Variants in SLCO3A1 observed in about 807,000 individuals in gnomAD.
SLCO3A1 encodes the protein solute carrier organic anion transporter family member 3A1.
SLCO3A1 carries 27 observed loss-of-function variants against 63.1 expected under a neutral mutation model. That is an observed-to-expected ratio of 0.43 (90% CI 0.32 to 0.59). The LOEUF (loss-of-function observed/expected upper bound fraction) is 0.59. SLCO3A1 is among the 20% of genes least tolerant of loss of function. The probability of loss-of-function intolerance (pLI) is 0.09; values close to 1 mark genes in which losing one functional copy is unlikely to be tolerated. For missense variants in SLCO3A1, 773 were observed against 945.8 expected, an observed-to-expected ratio of 0.82 and a Z score of 2.40; for synonymous variants, 473 against 409.9, an observed-to-expected ratio of 1.15 and a Z score of -1.86.
chr15:91,928,364 GT>G (rs1899106681), intron 2 of SLCO3A1, among the ~76,000 whole-genome samples: 1 of 152,126 alleles, frequency 6.6e-6, no homozygotes, highest in African/African-American at 2.4e-5. Context: ...TTCTGTGTAG[GT>G]AAAGGAGCTA....
chr15:92,065,146 G>A (rs962197199), intron 2 of SLCO3A1, among the ~76,000 whole-genome samples: 13 of 152,140 alleles, frequency 8.5e-5, no homozygotes, highest in Admixed American at 2.0e-4. Context: ...TCAGTGGCAC[G>A]ATCTCAGCTC....
intron 2 of SLCO3A1, among the ~76,000 whole-genome samples, chr15:92,000,485 A>G (rs1171421000): frequency 2.0e-5 from 3 of 151,900 alleles, no homozygotes; most frequent in East Asian, 1.9e-4. Flanking sequence ...TTGGAACAAT[A>G]TATCTATAGG....
chr15:91,977,250 A>C (rs528621124), intron 2 of SLCO3A1, among the ~76,000 whole-genome samples: 2 of 152,272 alleles, frequency 1.3e-5, no homozygotes, highest in African/African-American at 2.4e-5. Context: ...GGTGACATGC[A>C]CTGGTCTTCC....
chr15:92,063,089 G>T (rs188269485), intron 2 of SLCO3A1, among the ~76,000 whole-genome samples: 13 of 152,338 alleles, frequency 8.5e-5, no homozygotes, highest in African/African-American at 2.9e-4. Context: ...GTTAGCTCAG[G>T]TTCTGCTTAT....
intron 1 of SLCO3A1, among the ~76,000 whole-genome samples, chr15:91,904,222 G>A (rs952064331): frequency 2.0e-5 from 3 of 152,156 alleles, no homozygotes; most frequent in African/African-American, 7.2e-5. Context: ...TCAATTACAG[G>A]TACACCTTTT....
rs145081570 is a variant in SLCO3A1 at position 91,926,229 on chromosome 15, G to A, written c.646+9771G>A. Among the ~76,000 whole-genome samples, 326 of 152,286 alleles carry A rather than the reference G, an allele frequency of 2.1e-3. 3 individuals carry two copies. Among genetic ancestry groups the A allele is most frequent in the African/African-American group, 7.7e-3 (319 of 41,562 alleles). Reference sequence around the variant, plus strand: ...AAGTTACAGGACTTAGATGCCAAAAGGAGTATCCCCTCTCCACCTTTCTCC... The same window carrying A: ...AAGTTACAGGACTTAGATGCCAAAAAGAGTATCCCCTCTCCACCTTTCTCC... On this transcript the variant is annotated intron_variant, in intron 2 of 9. Transcript: ENST00000318445.
At chr15:91,876,586 C>T (rs536824730) in intron 1 of SLCO3A1, among the ~76,000 whole-genome samples, 2 of 152,354 alleles carry the variant, frequency 1.3e-5, no homozygotes, top group East Asian at 1.9e-4. Context: ...TCTAGTCAAG[C>T]TACCTAGAGC....
intron 2 of SLCO3A1, among the ~76,000 whole-genome samples, chr15:91,965,742 G>A (rs1265998217): frequency 1.3e-5 from 2 of 151,956 alleles, no homozygotes; most frequent in Admixed American, 1.3e-4. Context: ...GTGTGTGTGT[G>A]TGTGTGTGTG....
intron 1 of SLCO3A1, among the ~76,000 whole-genome samples, chr15:91,869,136 C>T (rs896318555): frequency 2.0e-5 from 3 of 152,114 alleles, no homozygotes; most frequent in Admixed American, 6.5e-5. Context: ...CATGGTAGCT[C>T]GTGCCTGTAA....
At chr15:92,092,960 T>G (rs2047494741) in intron 2 of SLCO3A1, among the ~76,000 whole-genome samples, 1 of 152,240 alleles carries the variant, frequency 6.6e-6, no homozygotes, top group Non-Finnish European at 1.5e-5. Context: ...ACAGTGGAAC[T>G]TCCAGATTTC....
intron 2 of SLCO3A1, among the ~76,000 whole-genome samples, chr15:92,032,909 C>G (rs984426332): frequency 1.0e-5 from 1 of 95,784 alleles, no homozygotes; most frequent in Non-Finnish European, 1.9e-5. Context: ...GATAGGAAGT[C>G]AAGATAGAAA....
chr15:92,134,917 C>G (rs1031453512), intron 7 of SLCO3A1, among the ~76,000 whole-genome samples: 4 of 151,788 alleles, frequency 2.6e-5, no homozygotes, highest in African/African-American at 7.3e-5. Context: ...GGCATGTTCT[C>G]CGCTGGGGGA....
chr15:91,922,314 G>C lies in SLCO3A1; in HGVS notation c.646+5856G>C, dbSNP rs77015525. On this transcript the variant is annotated intron_variant, in intron 2 of 9. Transcript: ENST00000318445. ...TTTGAGAAGGGAGGCTTTGCTGTTTGCCTGAATACACAGAACAAGTGCTCT... is the reference window on the plus strand; with the variant it reads ...TTTGAGAAGGGAGGCTTTGCTGTTTCCCTGAATACACAGAACAAGTGCTCT... Among the ~76,000 whole-genome samples the C allele has an allele frequency of 3.3e-4, 50 of 152,294 alleles. 1 individual carries two copies. In the East Asian group the frequency reaches 8.9e-3, roughly 27 times the overall value.
chr15:91,861,507 A>G (rs1897047203), intron 1 of SLCO3A1, among the ~76,000 whole-genome samples: 1 of 152,242 alleles, frequency 6.6e-6, no homozygotes, highest in Non-Finnish European at 1.5e-5. Context: ...TTCCTCTTTA[A>G]ACACGGAATA....
chr15:92,141,745 C>T (rs1194388752), intron 7 of SLCO3A1, among the ~76,000 whole-genome samples: 1 of 152,212 alleles, frequency 6.6e-6, no homozygotes, highest in Non-Finnish European at 1.5e-5. Flanking sequence ...CACACTCGGA[C>T]ATCTGAGTGG....
At chr15:92,085,776 C>T (rs937859684) in intron 2 of SLCO3A1, among the ~76,000 whole-genome samples, 1 of 152,192 alleles carries the variant, frequency 6.6e-6, no homozygotes, top group Non-Finnish European at 1.5e-5. Flanking sequence ...TCCCCAAGGA[C>T]CCTCCCTTCC....
chr15:92,116,248 A>C (rs1170146077), intron 4 of SLCO3A1, among the ~76,000 whole-genome samples: 1 of 152,224 alleles, frequency 6.6e-6, no homozygotes, highest in Non-Finnish European at 1.5e-5. Flanking sequence ...GTTAGTTTTC[A>C]TGACTCCTCC....
intron 2 of SLCO3A1, among the ~76,000 whole-genome samples, chr15:91,951,931 T>C (rs1176460226): frequency 1.3e-5 from 2 of 152,212 alleles, no homozygotes; most frequent in South Asian, 2.1e-4. Context: ...TGCTGTGTCG[T>C]GTTGTAACTC....
chr15:91,862,582 G>A lies in SLCO3A1; in HGVS notation c.180+8494G>A, dbSNP rs1897074657. On this transcript the variant is annotated intron_variant, in intron 1 of 9. Transcript: ENST00000318445. The surrounding 1 kb of genome is among the most constrained non-coding windows in gnomAD (Gnocchi z 4.0). The stretch of plus-strand genomic sequence containing the variant: ...ATGAACCTGTTCAGATAGGCCTTGA[G>A]ACTTTCTTGGTAGCTCTAAAGTCTC... Among the ~76,000 whole-genome samples the A allele has an allele frequency of 6.6e-6, 1 of 152,206 alleles. No individual in the cohort carries two copies. The highest frequency in any genetic ancestry group is 6.5e-5 in the Admixed American group (1 of 15,282).
Sources: allele counts gnomAD v4.1 joint callset (sites outside exome capture counted in the v4.1 genomes callset), GRCh38; gene constraint gnomAD v4.1.1; non-coding constraint Gnocchi (gnomAD v3.1); transcripts MANE v1.5; gene names NCBI Gene and HGNC (gene_info 2026-07-23, HGNC 2026-07-21).